Variants in CACNA1E observed in about 807,000 individuals in gnomAD.
CACNA1E encodes the protein calcium voltage-gated channel subunit alpha1 E, also known as voltage-dependent R-type calcium channel subunit alpha-1E.
In CACNA1E, 40 loss-of-function variants were observed where a neutral mutation model predicts 259.2. The ratio of observed to expected loss-of-function variants is 0.15; its 90% CI spans 0.12 to 0.20. The LOEUF is 0.20. Ranked by LOEUF, CACNA1E falls within the 10% of genes least tolerant of loss-of-function variation. CACNA1E has a pLI of 1.00. For missense variants in CACNA1E, 1,874 were observed against 3,040.1 expected, an observed-to-expected ratio of 0.62 and a Z score of 9.02; for synonymous variants, 1,104 against 1,138.5, an observed-to-expected ratio of 0.97 and a Z score of 0.61.
chr1:181,674,223 CAAAAAA>C (rs58198967), intron 7 of CACNA1E, among the ~76,000 whole-genome samples: 4 of 88,426 alleles, frequency 4.5e-5, no homozygotes, highest in Admixed American at 1.2e-4. Context: ...ACTAAAAATA[CAAAAAA>C]AAAAAAAAAA....
chr1:181,419,440 G>A (rs1256256069), intron 2 of CACNA1E, among the ~76,000 whole-genome samples: 1 of 152,200 alleles, frequency 6.6e-6, no homozygotes, highest in Non-Finnish European at 1.5e-5. Flanking sequence ...TTTCTGCTCA[G>A]AGAGAACTTC....
intron 20 of CACNA1E, 100 bp from the exon 21 acceptor site, chr1:181,733,337 C>T: frequency 9.1e-7 from 1 of 1,094,172 alleles, no homozygotes; most frequent in Non-Finnish European, 1.3e-6. Context: ...CTTGTACCTT[C>T]CAGGCTGCCT....
At chr1:181,462,606 G>A (rs1661891766) in intron 2 of CACNA1E, among the ~76,000 whole-genome samples, 1 of 152,078 alleles carries the variant, frequency 6.6e-6, no homozygotes, top group Non-Finnish European at 1.5e-5. Flanking sequence ...GATGCATTTT[G>A]TATGCTCATT....
At chr1:181,585,695 G>C (rs1572288683) in intron 6 of CACNA1E, among the ~76,000 whole-genome samples, 1 of 152,322 alleles carries the variant, frequency 6.6e-6, no homozygotes, top group East Asian at 1.9e-4. Context: ...TGGGCCATGT[G>C]GTTATCTGGG....
intron 38 of CACNA1E, among the ~76,000 whole-genome samples, chr1:181,780,758 G>A (rs970197018): frequency 2.0e-5 from 3 of 152,192 alleles, no homozygotes; most frequent in Non-Finnish European, 4.4e-5. Context: ...GGGGAATAAA[G>A]AGCAGTCTTG....
At chr1:181,631,446 A>C (rs927675406) in intron 6 of CACNA1E, among the ~76,000 whole-genome samples, 5 of 152,134 alleles carry the variant, frequency 3.3e-5, no homozygotes, top group African/African-American at 1.2e-4. Context: ...ATATATCTTA[A>C]GTTGCCTGAT....
chr1:181,755,029 A>AT (rs1484605779), intron 27 of CACNA1E, among the ~76,000 whole-genome samples: 1 of 152,144 alleles, frequency 6.6e-6, no homozygotes, highest in African/African-American at 2.4e-5. Context: ...ATGTGTTCCC[A>AT]TCCCAGGTGG....
intron 6 of CACNA1E, among the ~76,000 whole-genome samples, chr1:181,590,950 C>T (rs1652587144): frequency 6.6e-6 from 1 of 152,108 alleles, no homozygotes; most frequent in Non-Finnish European, 1.5e-5. Flanking sequence ...TGATTATATA[C>T]TCTATCAAAA....
chr1:181,681,396 C>A (rs1649957621), intron 7 of CACNA1E, among the ~76,000 whole-genome samples: 1 of 152,178 alleles, frequency 6.6e-6, no homozygotes, highest in Non-Finnish European at 1.5e-5. Context: ...TCTGGAATTC[C>A]TGGAGCATCC....
In CACNA1E at chr1:181,781,737, G is replaced by T. The variant is rs531805224; in HGVS notation, c.5364+214G>T. Among the ~76,000 whole-genome samples, 4 of 152,276 alleles carry T rather than the reference G, an allele frequency of 2.6e-5. No homozygotes were observed. The South Asian group carries it at 6.2e-4, about 24-fold the overall frequency. On this transcript the variant is annotated intron_variant, in intron 39 of 47. Transcript: ENST00000367573. Reference sequence around the variant, plus strand: ...ATGGTTTTTAATACTGTTCAACATGGTTTTTTATGTGATATTTTGTGTTTC... The same window carrying T: ...ATGGTTTTTAATACTGTTCAACATGTTTTTTTATGTGATATTTTGTGTTTC...
chr1:181,547,065 A>G (rs1647553561), intron 3 of CACNA1E, among the ~76,000 whole-genome samples: 1 of 152,100 alleles, frequency 6.6e-6, no homozygotes, highest in South Asian at 2.1e-4. Context: ...CAGTCTGTTA[A>G]CGGCCATGAA....
chr1:181,655,526 G>GT (rs1418494654), intron 7 of CACNA1E, among the ~76,000 whole-genome samples: 1 of 152,144 alleles, frequency 6.6e-6, no homozygotes, highest in Non-Finnish European at 1.5e-5. Context: ...AATACCAATT[G>GT]TTTTTTAGGA....
chr1:181,604,128 T>C (rs1654006805), intron 6 of CACNA1E, among the ~76,000 whole-genome samples: 1 of 152,180 alleles, frequency 6.6e-6, no homozygotes, highest in South Asian at 2.1e-4. Flanking sequence ...CTTTGTTGAC[T>C]CCATGAATGG....
intron 2 of CACNA1E, among the ~76,000 whole-genome samples, chr1:181,414,674 A>G (rs1042467677): frequency 6.6e-6 from 1 of 152,224 alleles, no homozygotes; most frequent in African/African-American, 2.4e-5. Flanking sequence ...ATATCCACTC[A>G]TGTTAATCTT....
chr1:181,699,296 T>G (rs1652001616), intron 7 of CACNA1E, among the ~76,000 whole-genome samples: 1 of 152,230 alleles, frequency 6.6e-6, no homozygotes, highest in Non-Finnish European at 1.5e-5. Context: ...GCTTATATTC[T>G]TGAGCAAAGA....
chr1:181,475,734 T>C (rs1432178281), intron 2 of CACNA1E, among the ~76,000 whole-genome samples: 1 of 152,176 alleles, frequency 6.6e-6, no homozygotes, highest in African/African-American at 2.4e-5. Flanking sequence ...GCATAGCAAC[T>C]GGCATTTTGG....
intron 2 of CACNA1E, among the ~76,000 whole-genome samples, chr1:181,425,117 C>T (rs1043124373): frequency 9.2e-5 from 14 of 152,158 alleles, no homozygotes; most frequent in Admixed American, 6.5e-4. Flanking sequence ...TTTTATGGTG[C>T]CCCCAAGTGG....
intron 30 of CACNA1E, 131 bp downstream of exon 30, chr1:181,757,257 A>T (rs747087151): frequency 3.0e-6 from 2 of 664,548 alleles, no homozygotes; most frequent in African/African-American, 1.8e-5. Flanking sequence ...GGGAAAAGTA[A>T]CTATTCAGCC....
intron 6 of CACNA1E, among the ~76,000 whole-genome samples, chr1:181,638,476 T>C (rs1157118909): frequency 1.3e-5 from 2 of 152,146 alleles, no homozygotes; most frequent in Non-Finnish European, 1.5e-5. Context: ...TATAGCTTCT[T>C]GAGGAGAGGC....
Sources: gnomAD v4.1 joint callset for allele counts (sites outside exome capture counted in the v4.1 genomes callset) on GRCh38, gnomAD v4.1.1 for gene constraint, MANE v1.5 for transcripts, NCBI Gene and HGNC (gene_info 2026-07-23, HGNC 2026-07-21) for gene names.